NARS1: variants seen among roughly 807,000 people sequenced by gnomAD.
The protein encoded by NARS1 is asparaginyl-tRNA synthetase 1, also known as asparagine--tRNA ligase, cytoplasmic.
NARS1 carries 65 observed loss-of-function variants against 79.2 expected under a neutral mutation model. That is an observed-to-expected ratio of 0.82 (90% CI 0.67 to 1.01). The LOEUF (loss-of-function observed/expected upper bound fraction) is 1.01, where lower values mean the gene tolerates loss of function less well. Among genes scored for constraint, NARS1 ranks in the 50% least tolerant of loss-of-function variants. The pLI, the probability that NARS1 is intolerant of heterozygous loss-of-function variation, is 0.00. For synonymous variants in NARS1, 229 were observed against 238.8 expected (o/e 0.96, Z 0.38); for missense variants, 649 against 673.8 (o/e 0.96, Z 0.41).
At chr18:57,604,644 C>T (rs915574180) in intron 11 of NARS1, among the ~76,000 whole-genome samples, 1 of 152,124 alleles carries the variant, frequency 6.6e-6, no homozygotes, top group Non-Finnish European at 1.5e-5. Flanking sequence ...AATCCCAATA[C>T]TTTGGAAAGC....
In NARS1 at chr18:57,615,925, T is replaced by C. The variant is rs1423997071; in HGVS notation, c.144A>G (p.Ser48=). ...KEPFPTIYVD[S]QKENERWNVI... Reference sequence around the variant, plus strand: ...CATTCCACCTCTCATTTTCTTTTTGTGAATCTACGTAAATGGTAGGAAATG... The same window carrying C: ...CATTCCACCTCTCATTTTCTTTTTGCGAATCTACGTAAATGGTAGGAAATG... The change falls in exon 3 of 14, where the codon TCA becomes TCG. Residue 48 remains serine, a synonymous_variant. Transcript: ENST00000256854. 6.2e-7 allele frequency: 1 copy of C among 1,613,354 alleles called. No individual in the cohort carries two copies. The highest frequency in any genetic ancestry group is 1.3e-5 in the African/African-American group (1 of 75,008).
chr18:57,616,374 C>T (rs1039466179), intron 2 of NARS1, among the ~76,000 whole-genome samples: 2 of 148,958 alleles, frequency 1.3e-5, no homozygotes, highest in Admixed American at 6.8e-5. Context: ...GAGCCAAGAT[C>T]GTGCCACTGC....
chr18:57,611,603 T>A, intron 6 of NARS1, 34 bp downstream of exon 6: 1 of 1,416,552 alleles, frequency 7.1e-7, no homozygotes, highest in Non-Finnish European at 9.8e-7. Context: ...TGAAAACATC[T>A]AATTTTCAGG....
intron 4 of NARS1, 117 bp downstream of exon 4, chr18:57,615,524 A>T: frequency 1.5e-6 from 1 of 678,436 alleles, no homozygotes; most frequent in Non-Finnish European, 2.5e-6. Context: ...ATAAATAAAT[A>T]AATGGAAAGT....
At chr18:57,620,106 T>C (rs909335602) in intron 2 of NARS1, among the ~76,000 whole-genome samples, 1 of 152,174 alleles carries the variant, frequency 6.6e-6, no homozygotes, top group Admixed American at 6.5e-5. Flanking sequence ...ATTGGCATTC[T>C]AGCTTGAAGC....
chr18:57,603,034 A>G (rs2051523496), intron 11 of NARS1, 91 bp from the exon 12 acceptor site: 1 of 1,300,010 alleles, frequency 7.7e-7, no homozygotes, highest in South Asian at 1.3e-5. Flanking sequence ...CCTTCCTCCT[A>G]TCAATTCAAC....
At chr18:57,602,747 C>G (rs2122418578) in intron 12 of NARS1, 65 bp downstream of exon 12, 1 of 1,541,318 alleles carries the variant, frequency 6.5e-7, no homozygotes, top group African/African-American at 1.4e-5. Context: ...GTACCTGATT[C>G]CAGATGACAG....
chr18:57,602,725 T>C (rs2051519383), intron 12 of NARS1, 87 bp downstream of exon 12: 2 of 1,442,248 alleles, frequency 1.4e-6, no homozygotes, highest in Non-Finnish European at 1.9e-6. Context: ...AATGAAATAT[T>C]TGGCATGAGC....
chr18:57,612,321 G>A (rs1355952111), intron 5 of NARS1, among the ~76,000 whole-genome samples: 1 of 152,166 alleles, frequency 6.6e-6, no homozygotes, highest in Admixed American at 6.5e-5. Context: ...GGGTAGTACT[G>A]TGCACTCGGT....
chr18:57,609,069 C>A (rs1208728210), intron 7 of NARS1, among the ~76,000 whole-genome samples: 1 of 152,232 alleles, frequency 6.6e-6, no homozygotes, highest in African/African-American at 2.4e-5. Flanking sequence ...TGGCCACAGA[C>A]TGAAGGCTGC....
chr18:57,613,550 T>G lies in NARS1; in HGVS notation c.421+52A>C, dbSNP rs374468421. 2.4e-5 allele frequency: 35 copies of G among 1,448,294 alleles called. No homozygotes were observed. In the African/African-American group the frequency reaches 4.0e-4, roughly 16 times the overall value. The allele number at this position is 1,448,294 out of a possible 1,614,324, so 89.7% of individuals were successfully genotyped here. ...AAATCTTTGTATGTTTTTCTTCATC[T>G]AAGAGCAGGGATATTTAAACATTAA... On this transcript the variant is annotated intron_variant, in intron 5 of 13. Coordinates refer to ENST00000256854, the MANE Select transcript of NARS1 (RefSeq NM_004539.4).
At chr18:57,609,099 T>C (rs1484623901) in intron 7 of NARS1, among the ~76,000 whole-genome samples, 2 of 152,210 alleles carry the variant, frequency 1.3e-5, no homozygotes, top group Admixed American at 1.3e-4. Flanking sequence ...TTCCCTACTT[T>C]TGAGGCTTTT....
chr18:57,606,167 G>A (rs2051554561), intron 10 of NARS1, among the ~76,000 whole-genome samples, 197 bp from the exon 11 acceptor site: 1 of 151,744 alleles, frequency 6.6e-6, no homozygotes, highest in Middle Eastern at 3.4e-3. Flanking sequence ...TGGCCAACAC[G>A]GTAAAACCCC....
intron 2 of NARS1, among the ~76,000 whole-genome samples, chr18:57,619,961 T>G (rs897694228): frequency 6.6e-6 from 1 of 152,198 alleles, no homozygotes; most frequent in African/African-American, 2.4e-5. Flanking sequence ...GTGTTGAGAT[T>G]ATAGGCGTGA....
chr18:57,613,752 G>A (rs942004321), intron 4 of NARS1, 72 bp from the exon 5 acceptor site: 16 of 1,249,606 alleles, frequency 1.3e-5, no homozygotes, highest in African/African-American at 3.0e-5. Context: ...ACTAATATTA[G>A]GCAGACGGTA....
At position 57,621,763 on chromosome 18, in the gene NARS1, C is replaced by T; in HGVS notation, c.-46G>A. ...CCTCCAAGGACACAGACTGCAACAC[C>T]GACGCCGTCTTATGACTCCAACGTG... On this transcript the variant is annotated 5_prime_UTR_variant, in exon 1 of 14. Transcript: ENST00000256854. 6.2e-7 allele frequency: 1 copy of T among 1,613,642 alleles called. No individual in the cohort carries two copies. Among genetic ancestry groups the T allele is most frequent in the Middle Eastern group, 1.6e-4 (1 of 6,062 alleles).
intron 2 of NARS1, among the ~76,000 whole-genome samples, chr18:57,618,521 T>A (rs931883582): frequency 3.3e-5 from 5 of 152,182 alleles, no homozygotes; most frequent in African/African-American, 4.8e-5. Flanking sequence ...CAAACGTTCA[T>A]CTAAACGGTG....
chr18:57,610,670 T>A (rs1368876794), intron 6 of NARS1, among the ~76,000 whole-genome samples: 1 of 151,630 alleles, frequency 6.6e-6, no homozygotes, highest in Non-Finnish European at 1.5e-5. Flanking sequence ...AAATCCATAA[T>A]GTGAGAAGTT....
intron 2 of NARS1, among the ~76,000 whole-genome samples, chr18:57,620,023 A>G (rs1908235546): frequency 6.6e-6 from 1 of 152,152 alleles, no homozygotes; most frequent in African/African-American, 2.4e-5. Flanking sequence ...TTTGAGAATG[A>G]GCTAAACTCA....
Sources: gnomAD v4.1 joint callset for allele counts (sites outside exome capture counted in the v4.1 genomes callset) on GRCh38, gnomAD v4.1.1 for gene constraint, MANE v1.5 for transcripts, NCBI Gene and HGNC (gene_info 2026-07-23, HGNC 2026-07-21) for gene names.